ATRNL1: variants seen among roughly 807,000 people sequenced by gnomAD.
ATRNL1 encodes attractin like 1.
Under a neutral mutation model 182.7 loss-of-function variants are expected in ATRNL1, and 95 were observed. The observed-to-expected ratio is 0.52, with a 90% CI of 0.44 to 0.62. The LOEUF is 0.62. Among genes scored for constraint, ATRNL1 ranks in the 20% least tolerant of loss-of-function variants. The pLI is 0.00. For synonymous variants in ATRNL1, 576 were observed against 568.3 expected (o/e 1.01, Z -0.19); for missense variants, 1,471 against 1,679.5 (o/e 0.88, Z 2.17).
At chr10:115,631,095 G>T (rs546012869) in intron 26 of ATRNL1, among the ~76,000 whole-genome samples, 46 of 151,852 alleles carry the variant, frequency 3.0e-4, no homozygotes, top group African/African-American at 1.1e-3. Flanking sequence ...GGGAGATGTT[G>T]GTCAAATGGT....
At chr10:115,687,418 C>T (rs1486322087) in intron 26 of ATRNL1, among the ~76,000 whole-genome samples, 1 of 152,064 alleles carries the variant, frequency 6.6e-6, no homozygotes, top group Admixed American at 6.6e-5. Context: ...CCTCTGGGTA[C>T]ACCTGTGTTG....
At position 115,459,211 on chromosome 10, in the gene ATRNL1, T is replaced by C. The variant is rs1400498231; in HGVS notation, c.3323-2730T>C. ...CGTTAACTACACAAATTGTACAGCATGTGTGTTTGAGCAATATGAAATGTG... is the reference window on the plus strand; with the variant it reads ...CGTTAACTACACAAATTGTACAGCACGTGTGTTTGAGCAATATGAAATGTG... On this transcript the variant is annotated intron_variant, in intron 21 of 28. Coordinates refer to ENST00000355044, the MANE Select transcript of ATRNL1 (RefSeq NM_207303.4). Among the ~76,000 whole-genome samples the C allele has an allele frequency of 2.1e-4, 32 of 152,082 alleles. 1 individual carries two copies. The highest frequency in any genetic ancestry group is 2.1e-3 in the Admixed American group (32 of 15,246).
rs570633216 is a variant in ATRNL1 at position 115,848,640 on chromosome 10, T to G, written c.4018+649T>G. ...AATTATACCTGTCCTCTTAGAGCTC[T>G]GCTCATTGCGATGGTGTTGTCCACA... On this transcript the variant is annotated intron_variant, in intron 28 of 28. Coordinates refer to ENST00000355044, the MANE Select transcript of ATRNL1 (RefSeq NM_207303.4). 4.6e-5 allele frequency among the ~76,000 whole-genome samples: 7 copies of G among 152,326 alleles called. No individual in the cohort carries two copies. The South Asian group carries it at 1.4e-3, about 32-fold the overall frequency.
chr10:115,349,506 T>C (rs1386978636), intron 19 of ATRNL1, among the ~76,000 whole-genome samples: 1 of 152,222 alleles, frequency 6.6e-6, no homozygotes, highest in Non-Finnish European at 1.5e-5. Flanking sequence ...TACGTAGTTC[T>C]GTTTGTAGTG....
chr10:115,682,392 G>T (rs1348166485), intron 26 of ATRNL1, among the ~76,000 whole-genome samples: 6 of 152,096 alleles, frequency 3.9e-5, no homozygotes, highest in African/African-American at 1.4e-4. Flanking sequence ...ACAAAAATTA[G>T]CTGGCATTGT....
intron 26 of ATRNL1, among the ~76,000 whole-genome samples, chr10:115,622,525 T>G (rs1857834244): frequency 6.6e-6 from 1 of 152,172 alleles, no homozygotes; most frequent in African/African-American, 2.4e-5. Context: ...TTATCTATGT[T>G]TTGTTGGGGT....
At chr10:115,638,980 A>G (rs1555029270) in intron 26 of ATRNL1, among the ~76,000 whole-genome samples, 1 of 152,188 alleles carries the variant, frequency 6.6e-6, no homozygotes, top group African/African-American at 2.4e-5. Flanking sequence ...CTGAAAGAAT[A>G]TTTGAGGAAA....
intron 28 of ATRNL1, among the ~76,000 whole-genome samples, chr10:115,916,170 C>T (rs746580388): frequency 2.0e-5 from 3 of 152,146 alleles, no homozygotes; most frequent in Non-Finnish European, 4.4e-5. Context: ...CAGTCACCTT[C>T]CCTAAAATTG....
intron 10 of ATRNL1, among the ~76,000 whole-genome samples, chr10:115,251,070 G>C (rs1281684095): frequency 6.6e-6 from 1 of 152,182 alleles, no homozygotes; most frequent in Non-Finnish European, 1.5e-5. Context: ...CCATGGCCAT[G>C]TTAATCTTCT....
chr10:115,653,504 G>A (rs1305126019), intron 26 of ATRNL1, among the ~76,000 whole-genome samples: 2 of 152,162 alleles, frequency 1.3e-5, no homozygotes, highest in African/African-American at 4.8e-5. Flanking sequence ...CGTTTGGAAT[G>A]TTTGCTAAGT....
chr10:115,531,001 C>A (rs1484939811), intron 25 of ATRNL1, among the ~76,000 whole-genome samples: 1 of 152,010 alleles, frequency 6.6e-6, no homozygotes, highest in Non-Finnish European at 1.5e-5. Flanking sequence ...TGTATATGTG[C>A]CACATTTTCT....
chr10:115,299,982 C>T, intron 15 of ATRNL1, 52 bp from the exon 16 acceptor site: 13 of 1,332,570 alleles, frequency 9.8e-6, no homozygotes, highest in South Asian at 2.5e-5. Context: ...AGGAATATGC[C>T]ATATTTTTAC....
intron 27 of ATRNL1, among the ~76,000 whole-genome samples, chr10:115,791,588 C>T (rs1378265942): frequency 1.3e-5 from 2 of 152,124 alleles, no homozygotes; most frequent in Non-Finnish European, 2.9e-5. Flanking sequence ...AAACAACAGA[C>T]TAAGATATCT....
intron 8 of ATRNL1, among the ~76,000 whole-genome samples, chr10:115,186,232 A>G (rs1185688742): frequency 6.6e-6 from 1 of 152,116 alleles, no homozygotes; most frequent in East Asian, 1.9e-4. Context: ...GGATGTGGAG[A>G]AAAGGGAGCC....
intron 26 of ATRNL1, among the ~76,000 whole-genome samples, chr10:115,618,986 C>T (rs1443250194): frequency 1.3e-5 from 2 of 151,962 alleles, no homozygotes; most frequent in Non-Finnish European, 2.9e-5. Flanking sequence ...TGTATTTTTC[C>T]TTTAGATGTA....
intron 25 of ATRNL1, 148 bp from the exon 26 acceptor site, chr10:115,549,310 A>G: frequency 2.3e-6 from 1 of 433,920 alleles, no homozygotes; most frequent in African/African-American, 2.0e-5. Flanking sequence ...GAACATTTTA[A>G]GCATTGGAAA....
chr10:115,131,364 GA>G (rs1384935096), intron 5 of ATRNL1, among the ~76,000 whole-genome samples: 2 of 152,084 alleles, frequency 1.3e-5, no homozygotes, highest in African/African-American at 4.8e-5. Context: ...AATAATTAAG[GA>G]AATGATTTCT....
chr10:115,233,707 G>T (rs1322907742), intron 9 of ATRNL1, among the ~76,000 whole-genome samples: 1 of 151,988 alleles, frequency 6.6e-6, no homozygotes, highest in African/African-American at 2.4e-5. Context: ...TTTGATAAGG[G>T]TTTATATTAT....
At chr10:115,903,570 G>C (rs1952416104) in intron 28 of ATRNL1, among the ~76,000 whole-genome samples, 1 of 152,206 alleles carries the variant, frequency 6.6e-6, no homozygotes, top group Non-Finnish European at 1.5e-5. Context: ...GGAGCTAAAA[G>C]AGATTCAAAT....
Sources: allele counts gnomAD v4.1 joint callset (sites outside exome capture counted in the v4.1 genomes callset), GRCh38; gene constraint gnomAD v4.1.1; transcripts MANE v1.5; gene names NCBI Gene and HGNC (gene_info 2026-07-23, HGNC 2026-07-21).